FAT4: variants seen among roughly 807,000 people sequenced by gnomAD.
The protein encoded by FAT4 is protocadherin Fat 4.
Under a neutral mutation model 303.9 loss-of-function variants are expected in FAT4, and 84 were observed. The observed-to-expected ratio is 0.28, with a 90% CI of 0.23 to 0.33. The LOEUF (loss-of-function observed/expected upper bound fraction) is 0.33, where lower values mean the gene tolerates loss of function less well. FAT4 is among the 10% of genes least tolerant of loss of function. FAT4 has a pLI of 1.00. For missense variants in FAT4, 6,005 were observed against 6,146.8 expected (o/e 0.98, Z 0.77); for synonymous variants, 2,307 against 2,298.8 (o/e 1.00, Z -0.10).
intron 3 of FAT4, among the ~76,000 whole-genome samples, chr4:125,401,555 A>G (rs935969325): frequency 2.6e-5 from 4 of 151,920 alleles, no homozygotes; most frequent in African/African-American, 9.7e-5. Flanking sequence ...TTTACCTAAC[A>G]TATAAGTGTT....
chr4:125,349,998 T>C (rs1301644248), intron 2 of FAT4, among the ~76,000 whole-genome samples: 4 of 151,776 alleles, frequency 2.6e-5, no homozygotes, highest in African/African-American at 9.7e-5. Flanking sequence ...GATCTATTAA[T>C]TTCAATGAAA....
chr4:125,407,227 T>C, intron 4 of FAT4, 86 bp downstream of exon 4: 2 of 1,244,598 alleles, frequency 1.6e-6, no homozygotes, highest in East Asian at 2.3e-5. Flanking sequence ...TCTTAATCAA[T>C]GATTAGTTTT....
intron 2 of FAT4, among the ~76,000 whole-genome samples, chr4:125,365,509 A>G (rs186322871): frequency 2.4e-3 from 358 of 152,116 alleles, no homozygotes; most frequent in Non-Finnish European, 4.3e-3. Flanking sequence ...TATTCATACC[A>G]CCATTTCTGT....
At chr4:125,326,758 C>T (rs976808806) in intron 2 of FAT4, among the ~76,000 whole-genome samples, 1 of 152,136 alleles carries the variant, frequency 6.6e-6, no homozygotes, top group Non-Finnish European at 1.5e-5. Flanking sequence ...CATTTAAGGC[C>T]AGGCAAAGTG....
chr4:125,414,499 C>A (rs1734962716), intron 5 of FAT4, among the ~76,000 whole-genome samples: 1 of 152,080 alleles, frequency 6.6e-6, no homozygotes, highest in African/African-American at 2.4e-5. Context: ...ATGACTAATG[C>A]CATACATCAG....
chr4:125,486,500 T>C (rs1727418170), intron 16 of FAT4, among the ~76,000 whole-genome samples: 1 of 152,198 alleles, frequency 6.6e-6, no homozygotes, highest in Non-Finnish European at 1.5e-5. Context: ...ACAGTGCCAC[T>C]GCATCCCCCT....
intron 2 of FAT4, among the ~76,000 whole-genome samples, chr4:125,356,628 A>T (rs574366716): frequency 6.5e-4 from 96 of 146,926 alleles, no homozygotes; most frequent in Non-Finnish European, 1.3e-3. Flanking sequence ...GAGTTATTTT[A>T]AAAAGTGACA....
intron 16 of FAT4, among the ~76,000 whole-genome samples, chr4:125,483,693 A>C (rs776471598): frequency 2.6e-5 from 4 of 152,184 alleles, no homozygotes; most frequent in Admixed American, 1.3e-4. Flanking sequence ...CAAAATGCAT[A>C]GTTTTATATG....
chr4:125,385,001 C>CATATAT (rs1277413637), intron 2 of FAT4, among the ~76,000 whole-genome samples: 6 of 120,260 alleles, frequency 5.0e-5, no homozygotes, highest in African/African-American at 1.9e-4. Flanking sequence ...TATATATATA[C>CATATAT]ATATATATAT....
Position 125,452,342 on chromosome 4 carries a change from C to A in FAT4, c.11332C>A (p.Pro3778Thr), listed in dbSNP as rs558935621. 2.5e-6 allele frequency: 4 copies of A among 1,614,202 alleles called. No individual in the cohort carries two copies. In the South Asian group the frequency reaches 3.3e-5, roughly 13 times the overall value. Residue 3778 changes from proline to threonine, a missense_variant, in exon 10 of 18, where the codon CCC becomes ACC. By Grantham distance (38) the Pro-to-Thr change is conservative. Transcript: ENST00000394329. ...VKRNHNQYVN[P>T]SGVATFFESI... Reference sequence around the variant, plus strand: ...GCGAAATCATAATCAGTATGTGAATCCCAGTGGCGTAGCCACCTTCTTTGA... The same window carrying A: ...GCGAAATCATAATCAGTATGTGAATACCAGTGGCGTAGCCACCTTCTTTGA...
chr4:125,343,314 AAC>A (rs1282582086), intron 2 of FAT4, among the ~76,000 whole-genome samples: 1 of 152,064 alleles, frequency 6.6e-6, no homozygotes, highest in Non-Finnish European at 1.5e-5. Flanking sequence ...CTATTTTAGA[AAC>A]AATGATGAAT....
At chr4:125,337,888 C>T (rs1312738420) in intron 2 of FAT4, among the ~76,000 whole-genome samples, 1 of 152,032 alleles carries the variant, frequency 6.6e-6, no homozygotes, top group African/African-American at 2.4e-5. Context: ...GCTGTCTTCC[C>T]CAAGAGTATC....
intron 10 of FAT4, among the ~76,000 whole-genome samples, chr4:125,453,311 T>C (rs1434739637): frequency 6.6e-6 from 1 of 152,238 alleles, no homozygotes; most frequent in Non-Finnish European, 1.5e-5. Context: ...TTCTTTATCA[T>C]CATCGTTTTT....
chr4:125,427,025 G>A (rs1010621340), intron 7 of FAT4, among the ~76,000 whole-genome samples: 1 of 151,834 alleles, frequency 6.6e-6, no homozygotes, highest in Admixed American at 6.6e-5. Context: ...CAGGAGGCAG[G>A]CAGAGGTAGG....
chr4:125,349,831 GT>G (rs1732153222), intron 2 of FAT4, among the ~76,000 whole-genome samples: 1 of 151,558 alleles, frequency 6.6e-6, no homozygotes, highest in Non-Finnish European at 1.5e-5. Context: ...TTTTACAAAG[GT>G]GAAGGACAAT....
chr4:125,342,413 C>G (rs191669420), intron 2 of FAT4, among the ~76,000 whole-genome samples: 56 of 151,904 alleles, frequency 3.7e-4, no homozygotes, highest in Admixed American at 3.3e-4. Context: ...GAAATTGATA[C>G]TGGTTTTGTT....
At position 125,452,090 on chromosome 4, in the gene FAT4, A is replaced by G. The variant is rs150752497; in HGVS notation, c.11080A>G (p.Thr3694Ala). The part of the protein sequence containing the change: ...TVLSNDGVHS[T>A]VTSNIRVFFA... ...CCTTAGCAATGATGGAGTTCACAGC[A>G]CAGTCACGAGCAACATCCGAGTTTT... Residue 3694 changes from threonine (T) to alanine (A), a missense_variant, in exon 10 of 18, where the codon ACA becomes GCA. Physicochemically the swap from Thr to Ala is moderately conservative, Grantham distance 58. Coordinates refer to ENST00000394329, the MANE Select transcript of FAT4 (RefSeq NM_001291303.3). 1.2e-5 allele frequency: 20 copies of G among 1,614,174 alleles called. No homozygotes were observed. Among genetic ancestry groups the G allele is most frequent in the Non-Finnish European group, 1.7e-5 (20 of 1,180,026 alleles).
At chr4:125,376,624 G>C (rs1244116817) in intron 2 of FAT4, among the ~76,000 whole-genome samples, 1 of 152,162 alleles carries the variant, frequency 6.6e-6, no homozygotes, top group Non-Finnish European at 1.5e-5. Context: ...AATAGGCCTG[G>C]CGCGGTGGCT....
chr4:125,428,126 C>T (rs1295780685), intron 7 of FAT4, among the ~76,000 whole-genome samples: 3 of 151,908 alleles, frequency 2.0e-5, no homozygotes, highest in African/African-American at 7.3e-5. Flanking sequence ...GGTGAAACCC[C>T]GTCTCTACTA....
Sources: gnomAD v4.1 joint callset for allele counts (sites outside exome capture counted in the v4.1 genomes callset) on GRCh38, gnomAD v4.1.1 for gene constraint, MANE v1.5 for transcripts, NCBI Gene and HGNC (gene_info 2026-07-23, HGNC 2026-07-21) for gene names.